DLGAP4: variants seen among roughly 807,000 people sequenced by gnomAD.
DLGAP4 encodes the protein disks large-associated protein 4.
In DLGAP4, 18 loss-of-function variants were observed where a neutral mutation model predicts 86.9. The ratio of observed to expected loss-of-function variants is 0.21; its 90% CI spans 0.14 to 0.31. The LOEUF is 0.31. Among genes scored for constraint, DLGAP4 ranks in the 10% least tolerant of loss-of-function variants. The pLI, the probability that DLGAP4 is intolerant of heterozygous loss-of-function variation, is 1.00. For synonymous variants in DLGAP4, 548 were observed against 574.3 expected (o/e 0.95, Z 0.65); for missense variants, 1,085 against 1,362.6 (o/e 0.80, Z 3.21).
intron 1 of DLGAP4, among the ~76,000 whole-genome samples, chr20:36,354,572 G>T (rs576439097): frequency 4.6e-5 from 7 of 152,098 alleles, no homozygotes; most frequent in Non-Finnish European, 8.8e-5. Flanking sequence ...GCACTATCTG[G>T]AGTTGACCCT....
chr20:36,411,356 C>G (rs187686615), intron 2 of DLGAP4, among the ~76,000 whole-genome samples: 1 of 152,176 alleles, frequency 6.6e-6, no homozygotes. Flanking sequence ...GCCCTGACCC[C>G]GTTCTGCCCC....
At chr20:36,322,041 A>G (rs2065173847) in intron 1 of DLGAP4, among the ~76,000 whole-genome samples, 1 of 152,198 alleles carries the variant, frequency 6.6e-6, no homozygotes, top group Admixed American at 6.5e-5. Flanking sequence ...AGGGAACTCA[A>G]AAAGCAGGTA....
intron 2 of DLGAP4, among the ~76,000 whole-genome samples, chr20:36,374,042 A>AG (rs2031051107): frequency 6.6e-6 from 1 of 151,524 alleles, no homozygotes; most frequent in Non-Finnish European, 1.5e-5. Flanking sequence ...CAAAAAAAAA[A>AG]AAAAAAAGAA....
intron 8 of DLGAP4, chr20:36,498,700 A>C (rs903764455): frequency 6.5e-6 from 1 of 152,736 alleles, no homozygotes; most frequent in Non-Finnish European, 1.5e-5. Context: ...AAGAGACTGA[A>C]GAGTCCCCAG....
intron 10 of DLGAP4, among the ~76,000 whole-genome samples, chr20:36,515,449 C>T (rs2036982065): frequency 6.6e-6 from 1 of 152,064 alleles, no homozygotes; most frequent in Admixed American, 6.6e-5. Context: ...CAGCATATAC[C>T]TGGATTTTAT....
At chr20:36,438,630 G>T (rs2033355415) in intron 4 of DLGAP4, among the ~76,000 whole-genome samples, 1 of 150,466 alleles carries the variant, frequency 6.6e-6, no homozygotes, top group African/African-American at 2.4e-5. Flanking sequence ...CCGCTCAAGT[G>T]ACCCTTCTGC....
chr20:36,323,878 G>A (rs1411791047), intron 1 of DLGAP4, among the ~76,000 whole-genome samples: 1 of 152,242 alleles, frequency 6.6e-6, no homozygotes, highest in Non-Finnish European at 1.5e-5. Flanking sequence ...AGGAGGAGGA[G>A]CTCAGGCGGT....
intron 1 of DLGAP4, among the ~76,000 whole-genome samples, chr20:36,346,418 C>T (rs988714537): frequency 1.2e-4 from 18 of 152,204 alleles, no homozygotes; most frequent in East Asian, 7.7e-4. Context: ...AGGAACCATC[C>T]GGGACACTCT....
chr20:36,486,867 C>G (rs1034223929), intron 7 of DLGAP4, among the ~76,000 whole-genome samples: 1 of 151,168 alleles, frequency 6.6e-6, no homozygotes. Context: ...CCGCGTCAGC[C>G]TCCCATAGTG....
intron 10 of DLGAP4, among the ~76,000 whole-genome samples, chr20:36,513,083 C>T (rs1248458834): frequency 6.6e-6 from 1 of 150,748 alleles, no homozygotes; most frequent in African/African-American, 2.4e-5. Context: ...TCCCAAGTAG[C>T]TCGGACCACA....
At chr20:36,452,826 CTT>C (rs1233444372) in intron 7 of DLGAP4, among the ~76,000 whole-genome samples, 7 of 90,796 alleles carry the variant, frequency 7.7e-5, no homozygotes, top group Non-Finnish European at 6.2e-5. Flanking sequence ...TTGTGTAAGT[CTT>C]TTTTTTTTTT....
In DLGAP4 at chr20:36,306,372, G is replaced by A. The variant is rs1332715955; in HGVS notation, c.-444G>A. ...ATCTGGGGCGCCGCGCCGGCCGGAGGAGAGGCATGGGGCGCCCGCGGGCCG... is the reference window on the plus strand; with the variant it reads ...ATCTGGGGCGCCGCGCCGGCCGGAGAAGAGGCATGGGGCGCCCGCGGGCCG... On this transcript the variant is annotated 5_prime_UTR_variant, in exon 1 of 13. Coordinates refer to ENST00000339266, the MANE Select transcript of DLGAP4 (RefSeq NM_001365621.2). This position sits in a 1 kb window ranked among gnomAD's most constrained non-coding sequence, Gnocchi z 4.9. 1 of 149,816 alleles carries A rather than the reference G, an allele frequency of 6.7e-6. No homozygotes were observed. The highest frequency in any genetic ancestry group is 1.5e-5 in the Non-Finnish European group (1 of 66,980). The allele number at this position is 149,816 out of a possible 1,614,324, so 9.3% of individuals were successfully genotyped here.
intron 7 of DLGAP4, among the ~76,000 whole-genome samples, chr20:36,470,432 C>T (rs1054705317): frequency 1.3e-5 from 2 of 152,204 alleles, no homozygotes; most frequent in African/African-American, 4.8e-5. Flanking sequence ...GCCTCCCCTC[C>T]CAACCCAGGG....
At chr20:36,499,463 G>A (rs763904892) in intron 8 of DLGAP4, 125 bp from the exon 9 acceptor site, 64 of 1,340,222 alleles carry the variant, frequency 4.8e-5, no homozygotes, top group East Asian at 3.7e-4. Flanking sequence ...CGCATGCCTC[G>A]TGTCTGTCTG....
intron 10 of DLGAP4, chr20:36,507,995 T>C (rs2036474386): frequency 6.6e-6 from 1 of 152,324 alleles, no homozygotes; most frequent in Non-Finnish European, 1.5e-5. Flanking sequence ...CCTTCTTGCA[T>C]GGTGGCTCCA....
At chr20:36,385,353 A>G (rs368566324) in intron 2 of DLGAP4, among the ~76,000 whole-genome samples, 1 of 152,228 alleles carries the variant, frequency 6.6e-6, no homozygotes, top group Admixed American at 6.5e-5. Context: ...TGCCCTGTAG[A>G]TGGTTTTCAG....
chr20:36,377,417 C>T (rs2031200071), intron 2 of DLGAP4, among the ~76,000 whole-genome samples: 1 of 152,176 alleles, frequency 6.6e-6, no homozygotes, highest in Non-Finnish European at 1.5e-5. Context: ...ACAGCAGCCC[C>T]CATCTTAGAG....
intron 4 of DLGAP4, among the ~76,000 whole-genome samples, chr20:36,436,792 G>A (rs552556370): frequency 6.6e-6 from 1 of 151,448 alleles, no homozygotes; most frequent in African/African-American, 2.4e-5. Context: ...CTCCAGCCTG[G>A]GCGACTGAGC....
intron 2 of DLGAP4, among the ~76,000 whole-genome samples, chr20:36,426,137 A>T (rs1383078243): frequency 6.6e-6 from 1 of 152,268 alleles, no homozygotes; most frequent in African/African-American, 2.4e-5. Flanking sequence ...AATAGGTCAG[A>T]CACAAAATAA....
Sources: gnomAD v4.1 joint callset for allele counts (sites outside exome capture counted in the v4.1 genomes callset) on GRCh38, gnomAD v4.1.1 for gene constraint, Gnocchi (gnomAD v3.1) non-coding constraint, MANE v1.5 for transcripts, NCBI Gene and HGNC (gene_info 2026-07-23, HGNC 2026-07-21) for gene names.